The following GRHL2 variants were observed in gnomAD, a reference collection of about 807,000 sequenced individuals.
GRHL2 encodes grainyhead-like protein 2 homolog.
A neutral mutation model predicts 83.8 loss-of-function variants in GRHL2; 21 were observed. The observed-to-expected ratio is 0.25, with a 90% CI of 0.18 to 0.36. The LOEUF (loss-of-function observed/expected upper bound fraction) is 0.36, where lower values mean the gene tolerates loss of function less well. GRHL2 is among the 10% of genes least tolerant of loss of function. GRHL2 has a pLI of 1.00. For missense variants in GRHL2, 623 were observed against 781.8 expected, an observed-to-expected ratio of 0.80 and a Z score of 2.42; for synonymous variants, 280 against 278.9, an observed-to-expected ratio of 1.00 and a Z score of -0.04.
intron 1 of GRHL2, among the ~76,000 whole-genome samples, chr8:101,532,778 A>G (rs1335931785): frequency 1.3e-5 from 2 of 151,332 alleles, no homozygotes; most frequent in Non-Finnish European, 2.9e-5. Context: ...AAGAGAGAGT[A>G]GAATTCATGT....
At chr8:101,546,919 A>G (rs1333719529) in intron 2 of GRHL2, among the ~76,000 whole-genome samples, 2 of 152,248 alleles carry the variant, frequency 1.3e-5, no homozygotes, top group African/African-American at 4.8e-5. Flanking sequence ...ATAAAACTCA[A>G]GTTGCAGCCA....
intron 13 of GRHL2, among the ~76,000 whole-genome samples, chr8:101,644,857 T>G (rs1256799201): frequency 1.3e-5 from 2 of 151,986 alleles, no homozygotes. Context: ...GGATTTTTTT[T>G]TTTTTTTTGA....
chr8:101,519,199 A>G (rs1212823679), intron 1 of GRHL2, among the ~76,000 whole-genome samples: 2 of 147,766 alleles, frequency 1.4e-5, no homozygotes, highest in Admixed American at 6.7e-5. Flanking sequence ...TTTTTTTTTT[A>G]ATTTTAAGAG....
chr8:101,572,302 C>G (rs1348173691), intron 5 of GRHL2, among the ~76,000 whole-genome samples: 2 of 152,150 alleles, frequency 1.3e-5, no homozygotes, highest in East Asian at 3.8e-4. Flanking sequence ...GGAATCAGTT[C>G]TGTTTTGAAT....
At chr8:101,661,609 TTTTA>T (rs1194663141) in intron 14 of GRHL2, among the ~76,000 whole-genome samples, 1 of 152,240 alleles carries the variant, frequency 6.6e-6, no homozygotes, top group Non-Finnish European at 1.5e-5. Flanking sequence ...GCCATTGTAC[TTTTA>T]TTTTTCATTT....
chr8:101,671,572 G>A (rs1001945706), downstream of GRHL2, among the ~76,000 whole-genome samples: 2 of 152,230 alleles, frequency 1.3e-5, no homozygotes, highest in South Asian at 4.1e-4. Context: ...AGCTCAAGGA[G>A]ACCTGCCTGC....
At chr8:101,671,872 A>G (rs4734577), downstream of GRHL2, among the ~76,000 whole-genome samples, 41,959 of 151,818 alleles carry the variant, frequency 0.28, 6,318 homozygotes, top group African/African-American at 0.38. Flanking sequence ...CAGCACTTGC[A>G]GTTCACCAAT....
Position 101,577,493 on chromosome 8 carries a change from C to T in GRHL2, c.977C>T (p.Thr326Met). The change falls in exon 7 of 16, where the codon ACG becomes ATG. Residue 326 changes from threonine to methionine, a missense_variant. Transcript: ENST00000646743. ...AAATACTGGCACTCTCGGCAGCATA[C>T]GGCGAAGCAGAGGGTCCTTGACATT... ...YWKYWHSRQH[T>M]AKQRVLDIAD... 1 of 1,613,336 alleles carries T rather than the reference C, an allele frequency of 6.2e-7. No individual in the cohort carries two copies. Among genetic ancestry groups the T allele is most frequent in the Non-Finnish European group, 8.5e-7 (1 of 1,179,386 alleles).
At chr8:101,524,451 C>T (rs1810760989) in intron 1 of GRHL2, among the ~76,000 whole-genome samples, 1 of 151,752 alleles carries the variant, frequency 6.6e-6, no homozygotes, top group East Asian at 1.9e-4. Flanking sequence ...AGCCTTTGTT[C>T]CCATCTAACA....
chr8:101,604,019 C>CAAA (rs541635465), intron 8 of GRHL2, among the ~76,000 whole-genome samples: 3,589 of 91,712 alleles, frequency 0.039, 338 homozygotes, highest in African/African-American at 0.13. Flanking sequence ...TTTTTTTTTG[C>CAAA]AAAAAAAAAA....
At chr8:101,659,513 T>C (rs1563631326) in intron 14 of GRHL2, among the ~76,000 whole-genome samples, 1 of 152,210 alleles carries the variant, frequency 6.6e-6, no homozygotes, top group Non-Finnish European at 1.5e-5. Flanking sequence ...TGGGTCATTC[T>C]AGAATCCCAG....
chr8:101,613,641 G>A (rs1812796746), intron 8 of GRHL2, among the ~76,000 whole-genome samples: 1 of 151,086 alleles, frequency 6.6e-6, no homozygotes, highest in Non-Finnish European at 1.5e-5. Context: ...TATCAAAGTG[G>A]AAGAAGAAAG....
At chr8:101,638,016 A>C (rs970463040) in intron 12 of GRHL2, among the ~76,000 whole-genome samples, 4 of 152,212 alleles carry the variant, frequency 2.6e-5, no homozygotes, top group Admixed American at 2.6e-4. Context: ...CATAAGTTGC[A>C]GATTATATTG....
At chr8:101,665,147 G>A (rs752548342) in intron 15 of GRHL2, among the ~76,000 whole-genome samples, 6 of 152,094 alleles carry the variant, frequency 3.9e-5, no homozygotes, top group Non-Finnish European at 5.9e-5. Flanking sequence ...TAAGCATGTC[G>A]CCCAAGTCTC....
chr8:101,525,561 G>T (rs1278469182), intron 1 of GRHL2, among the ~76,000 whole-genome samples: 1 of 147,768 alleles, frequency 6.8e-6, no homozygotes, highest in Non-Finnish European at 1.5e-5. Context: ...TTGATATATT[G>T]CCCAGGCTGG....
At chr8:101,676,779 C>T in the GRHL2 span, among the ~76,000 whole-genome samples, 3 of 152,220 alleles carry the variant, frequency 2.0e-5, no homozygotes, top group Admixed American at 6.5e-5. Flanking sequence ...TATTGCGGTA[C>T]TATTCACAAT....
chr8:101,545,561 G>A (rs1379101619), intron 2 of GRHL2, among the ~76,000 whole-genome samples: 1 of 147,174 alleles, frequency 6.8e-6, no homozygotes, highest in Non-Finnish European at 1.5e-5. Context: ...CATTCTTTCT[G>A]ATTGAGGATC....
At chr8:101,598,242 T>TA (rs1165243646) in intron 7 of GRHL2, among the ~76,000 whole-genome samples, 1 of 790 alleles carries the variant, frequency 1.3e-3, no homozygotes, top group African/African-American at 0.016. Flanking sequence ...TCCAAAAAGA[T>TA]TTTTTTTTTT....
chr8:101,499,354 C>T (rs1358438102), intron 1 of GRHL2, among the ~76,000 whole-genome samples: 1 of 152,172 alleles, frequency 6.6e-6, no homozygotes, highest in African/African-American at 2.4e-5. Context: ...TTCCTTACTT[C>T]CTCCCTTATT....
Sources: allele counts gnomAD v4.1 joint callset (sites outside exome capture counted in the v4.1 genomes callset), GRCh38; gene constraint gnomAD v4.1.1; transcripts MANE v1.5; gene names NCBI Gene and HGNC (gene_info 2026-07-23, HGNC 2026-07-21).